Variants in KLHL2 observed in about 807,000 individuals in gnomAD.
KLHL2 encodes the protein kelch-like protein 2.
Under a neutral mutation model 75.8 loss-of-function variants are expected in KLHL2, and 15 were observed. That is an observed-to-expected ratio of 0.20 (90% CI 0.13 to 0.30). KLHL2 has a LOEUF of 0.30. Among genes scored for constraint, KLHL2 ranks in the 10% least tolerant of loss-of-function variants. KLHL2 has a pLI of 1.00. For synonymous variants in KLHL2, 214 were observed against 251.9 expected (o/e 0.85, Z 1.42); for missense variants, 381 against 741.0 (o/e 0.51, Z 5.64).
At chr4:165,286,630 T>C (rs866776896) in intron 5 of KLHL2, among the ~76,000 whole-genome samples, 4 of 152,056 alleles carry the variant, frequency 2.6e-5, no homozygotes, top group Admixed American at 1.3e-4. Flanking sequence ...GAAAAAGACT[T>C]CCAAAGAACT....
chr4:165,277,709 C>G (rs1484929968), intron 5 of KLHL2: 5 of 549,132 alleles, frequency 9.1e-6, no homozygotes, highest in African/African-American at 3.8e-5. Context: ...GGGGTCAGCC[C>G]CAAAGGTAGC....
intron 5 of KLHL2, among the ~76,000 whole-genome samples, chr4:165,272,181 G>GA (rs1742747245): frequency 6.6e-6 from 1 of 152,070 alleles, no homozygotes; most frequent in South Asian, 2.1e-4. Flanking sequence ...TTATTTCAGT[G>GA]AAAAAATGTG....
At chr4:165,225,210 T>G (rs1738338575) in intron 2 of KLHL2, among the ~76,000 whole-genome samples, 1 of 152,222 alleles carries the variant, frequency 6.6e-6, no homozygotes, top group African/African-American at 2.4e-5. Flanking sequence ...GATTTGAGCT[T>G]AGAAGCCACT....
At chr4:165,238,386 AGCTGTTCATT>A (rs1175214084) in intron 3 of KLHL2, among the ~76,000 whole-genome samples, 1 of 152,176 alleles carries the variant, frequency 6.6e-6, no homozygotes, top group East Asian at 1.9e-4. Flanking sequence ...CCTTTTCAGC[AGCTGTTCATT>A]GCTATTAGCC....
chr4:165,298,280 T>C (rs1423709880), intron 7 of KLHL2, among the ~76,000 whole-genome samples: 1 of 152,216 alleles, frequency 6.6e-6, no homozygotes, highest in African/African-American at 2.4e-5. Flanking sequence ...TTACTGTTTT[T>C]TTCTTTCCAT....
At chr4:165,222,999 G>C (rs943192576) in intron 2 of KLHL2, among the ~76,000 whole-genome samples, 1 of 152,250 alleles carries the variant, frequency 6.6e-6, no homozygotes, top group Non-Finnish European at 1.5e-5. Flanking sequence ...AGGAAGACAG[G>C]AGTTCTGTAA....
At position 165,322,257 on chromosome 4, in the gene KLHL2, A is replaced by G. The variant is rs1020717277; in HGVS notation, c.*197A>G. On this transcript the variant is annotated 3_prime_UTR_variant, in exon 15 of 15. Transcript: ENST00000226725. ...AAGCACCGTGTAGGCTTTTTCTGCA[A>G]TGAGCAGCAGCTGACTGAATTTTCA... 1.1e-5 allele frequency: 6 copies of G among 568,336 alleles called. No homozygotes were observed. In the African/African-American group the frequency reaches 1.1e-4, roughly 11 times the overall value. 35.2% of individuals were successfully genotyped at this position (568,336 alleles called of 1,614,324 possible).
At chr4:165,218,443 T>C (rs1737712878) in intron 1 of KLHL2, among the ~76,000 whole-genome samples, 2 of 152,194 alleles carry the variant, frequency 1.3e-5, no homozygotes, top group African/African-American at 2.4e-5. Context: ...CCTAGTCTTT[T>C]GTTCAAATCT....
Position 165,322,079 on chromosome 4 carries a change from G to C in KLHL2, c.*19G>C. On this transcript the variant is annotated 3_prime_UTR_variant, in exon 15 of 15. Transcript: ENST00000226725. ...ATTATGAGCCTGAAGGACATTTTCA[G>C]CATATTTATACATGAGAAACAGCCT... The C allele has an allele frequency of 1.2e-6, 2 of 1,608,742 alleles. No homozygotes were observed. The highest frequency in any genetic ancestry group is 2.2e-5 in the South Asian group (2 of 90,940).
chr4:165,210,148 A>G (rs938713208), intron 1 of KLHL2: 1 of 1,551,688 alleles, frequency 6.4e-7, no homozygotes, highest in Non-Finnish European at 8.7e-7. Flanking sequence ...GCCTTATGGT[A>G]TGGTTGGAAG....
At chr4:165,222,106 G>A (rs1738043374) in intron 2 of KLHL2, among the ~76,000 whole-genome samples, 1 of 151,968 alleles carries the variant, frequency 6.6e-6, no homozygotes, top group South Asian at 2.1e-4. Flanking sequence ...CTGTTGACCT[G>A]GGCATGACTC....
At chr4:165,214,989 A>G (rs915315266) in intron 1 of KLHL2, among the ~76,000 whole-genome samples, 2 of 152,146 alleles carry the variant, frequency 1.3e-5, no homozygotes, top group Non-Finnish European at 2.9e-5. Context: ...TACATACTGA[A>G]GACCTAATCC....
chr4:165,297,853 G>A, intron 7 of KLHL2, 128 bp downstream of exon 7: 1 of 690,992 alleles, frequency 1.4e-6, no homozygotes. Context: ...ACAGAAGACA[G>A]TAAAGGACCC....
chr4:165,269,721 C>T (rs1316293767), intron 5 of KLHL2, among the ~76,000 whole-genome samples: 1 of 151,660 alleles, frequency 6.6e-6, no homozygotes, highest in East Asian at 1.9e-4. Flanking sequence ...GGTAACCCGA[C>T]CTTTCTCTCT....
At chr4:165,220,661 T>C (rs1737911078) in intron 2 of KLHL2, among the ~76,000 whole-genome samples, 1 of 152,220 alleles carries the variant, frequency 6.6e-6, no homozygotes. Context: ...GTGACTTGCA[T>C]TATGTTTATA....
chr4:165,270,620 A>G (rs1238194471), intron 5 of KLHL2, among the ~76,000 whole-genome samples: 1 of 151,990 alleles, frequency 6.6e-6, no homozygotes, highest in Admixed American at 6.6e-5. Context: ...TCCACTTCAG[A>G]CCCTGTTTGC....
intron 14 of KLHL2, 139 bp from the exon 15 acceptor site, chr4:165,321,893 A>G (rs1747011093): frequency 1.3e-6 from 1 of 772,024 alleles, no homozygotes; most frequent in Non-Finnish European, 2.2e-6. Context: ...TAATACTACT[A>G]AAGTTTAAGA....
chr4:165,238,702 T>C (rs1739561764), intron 3 of KLHL2, 76 bp from the exon 4 acceptor site: 2 of 1,594,660 alleles, frequency 1.3e-6, no homozygotes, highest in Non-Finnish European at 1.7e-6. Context: ...CAAGAAGATG[T>C]ATCAATCTAC....
At chr4:165,275,662 G>T (rs182133305) in intron 5 of KLHL2, among the ~76,000 whole-genome samples, 3 of 152,080 alleles carry the variant, frequency 2.0e-5, no homozygotes, top group Admixed American at 2.0e-4. Flanking sequence ...GGCTGTGCTC[G>T]AACTCCTGGC....
Sources: gnomAD v4.1 joint callset for allele counts (sites outside exome capture counted in the v4.1 genomes callset) on GRCh38, gnomAD v4.1.1 for gene constraint, MANE v1.5 for transcripts, NCBI Gene and HGNC (gene_info 2026-07-23, HGNC 2026-07-21) for gene names.